Variants in ICA1L observed in about 807,000 individuals in gnomAD.
ICA1L encodes the protein islet cell autoantigen 1 like.
ICA1L carries 50 observed loss-of-function variants against 61.3 expected under a neutral mutation model. The ratio of observed to expected loss-of-function variants is 0.82; its 90% CI spans 0.65 to 1.03. The LOEUF (loss-of-function observed/expected upper bound fraction) is 1.03, where lower values mean the gene tolerates loss of function less well. Ranked by LOEUF, ICA1L falls within the 50% of genes least tolerant of loss-of-function variation. ICA1L has a pLI of 0.00. For missense variants in ICA1L, 508 were observed against 556.7 expected (o/e 0.91, Z 0.88); for synonymous variants, 161 against 191.3 (o/e 0.84, Z 1.31).
chr2:202,814,062 A>T (rs1487719296), intron 8 of ICA1L, among the ~76,000 whole-genome samples: 1 of 152,210 alleles, frequency 6.6e-6, no homozygotes, highest in African/African-American at 2.4e-5. Context: ...TAAAAAATGG[A>T]AAAAATTCGT....
chr2:202,848,898 G>A (rs1694538035), intron 1 of ICA1L, among the ~76,000 whole-genome samples: 1 of 152,044 alleles, frequency 6.6e-6, no homozygotes, highest in Admixed American at 6.6e-5. Flanking sequence ...GGAGACAAAC[G>A]CAGAAGGCAG....
At chr2:202,867,522 T>A (rs1687550770) in intron 1 of ICA1L, among the ~76,000 whole-genome samples, 1 of 152,234 alleles carries the variant, frequency 6.6e-6, no homozygotes, top group African/African-American at 2.4e-5. Flanking sequence ...AAAAATATGC[T>A]ATTACAATCT....
chr2:202,802,486 TAAAAG>T (rs1003316538), intron 9 of ICA1L, among the ~76,000 whole-genome samples: 1 of 151,592 alleles, frequency 6.6e-6, no homozygotes, highest in African/African-American at 2.4e-5. Flanking sequence ...AAGGCACAAA[TAAAAG>T]AAATACAATT....
intron 1 of ICA1L, among the ~76,000 whole-genome samples, chr2:202,839,925 T>C (rs920795470): frequency 6.6e-6 from 1 of 152,134 alleles, no homozygotes; most frequent in Non-Finnish European, 1.5e-5. Flanking sequence ...TAACAGGCTA[T>C]GTTAAGCTGA....
rs1385168057 is a variant in ICA1L, at chr2:202,777,446, G to C, written c.*2087C>G. 1 of 152,116 alleles carries C rather than the reference G, an allele frequency of 6.6e-6. No individual in the cohort carries two copies. Among genetic ancestry groups the C allele is most frequent in the African/African-American group, 2.4e-5 (1 of 41,406 alleles). The allele number at this position is 152,116 out of a possible 1,614,324, so 9.4% of individuals were successfully genotyped here. On this transcript the variant is annotated 3_prime_UTR_variant, in exon 13 of 13. Coordinates refer to ENST00000358299, the MANE Select transcript of ICA1L (RefSeq NM_001288622.3). ...GATTGGGATTCGTAATCATGATCTT[G>C]GTGATTGGAACTTGGCAGAACAGTG...
chr2:202,803,015 G>A (rs543640347), intron 9 of ICA1L, among the ~76,000 whole-genome samples: 23 of 152,146 alleles, frequency 1.5e-4, no homozygotes, highest in African/African-American at 5.5e-4. Context: ...ATAAACAAAT[G>A]GGCTAAACTC....
At chr2:202,829,623 C>T (rs1039371231) in intron 1 of ICA1L, among the ~76,000 whole-genome samples, 4 of 152,094 alleles carry the variant, frequency 2.6e-5, no homozygotes, top group African/African-American at 9.7e-5. Context: ...TTAATGTTCT[C>T]AGTCAGACAT....
At chr2:202,857,003 C>CAAACAA (rs1694786503) in intron 1 of ICA1L, among the ~76,000 whole-genome samples, 3 of 152,218 alleles carry the variant, frequency 2.0e-5, no homozygotes, top group Admixed American at 6.5e-5. Context: ...AATGCAAAGA[C>CAAACAA]ATTCCAAGCT....
chr2:202,869,186 G>A (rs1397643959), intron 1 of ICA1L, among the ~76,000 whole-genome samples: 1 of 151,558 alleles, frequency 6.6e-6, no homozygotes, highest in Non-Finnish European at 1.5e-5. Context: ...GTGAAACCCC[G>A]ACTCTACTAA....
chr2:202,788,838 G>A lies in ICA1L; in HGVS notation c.1235C>T (p.Ala412Val), dbSNP rs772921449. The A allele has an allele frequency of 1.2e-5, 19 of 1,613,906 alleles. No homozygotes were observed. Among genetic ancestry groups the A allele is most frequent in the Admixed American group, 1.7e-5 (1 of 59,978 alleles). The change falls in exon 11 of 13, where the codon GCG (alanine) becomes GTG (valine). Residue 412 changes from alanine (A) to valine (V), a missense_variant. Ala to Val is a moderately conservative substitution (Grantham distance 64). Transcript: ENST00000358299. ...GTTTCATAGACACTTACTGTTGAAC[G>A]CTCCAGCCACATGAAAGCCAAGGTC... ...LFDLGFHVAGAFNNWVSQEES... is the reference protein window; with the variant it reads ...LFDLGFHVAGVFNNWVSQEES...
At chr2:202,863,895 G>C (rs1277153862) in intron 1 of ICA1L, among the ~76,000 whole-genome samples, 1 of 150,034 alleles carries the variant, frequency 6.7e-6, no homozygotes, top group Non-Finnish European at 1.5e-5. Context: ...GATTAAGAAA[G>C]GTATATTTTT....
Position 202,819,690 on chromosome 2 carries a change from C to T in ICA1L, c.558+11G>A, listed in dbSNP as rs781474166. 1.6e-5 allele frequency: 26 copies of T among 1,594,658 alleles called. No homozygotes were observed. Among genetic ancestry groups the T allele is most frequent in the African/African-American group, 2.7e-5 (2 of 74,508 alleles). On this transcript the variant is annotated intron_variant, in intron 5 of 12. Coordinates refer to ENST00000358299, the MANE Select transcript of ICA1L (RefSeq NM_001288622.3). ...ATACACCAAGAAAAGGAAAGGGATACGTTTTCATACTTTTCTAAACTTTTC... is the reference window on the plus strand; with the variant it reads ...ATACACCAAGAAAAGGAAAGGGATATGTTTTCATACTTTTCTAAACTTTTC...
chr2:202,871,452 C>G (rs1304840593), intron 1 of ICA1L, 167 bp downstream of exon 1: 4 of 152,062 alleles, frequency 2.6e-5, no homozygotes, highest in Admixed American at 6.5e-5. Flanking sequence ...CCCAGAGAAC[C>G]GAGGAGGCCA....
At chr2:202,868,668 C>A (rs771053183) in intron 1 of ICA1L, among the ~76,000 whole-genome samples, 1 of 152,114 alleles carries the variant, frequency 6.6e-6, no homozygotes, top group Non-Finnish European at 1.5e-5. Flanking sequence ...TGACAGAATA[C>A]TATATAAAAC....
At chr2:202,817,610 A>G in intron 5 of ICA1L, 67 bp from the exon 6 acceptor site, 1 of 829,500 alleles carries the variant, frequency 1.2e-6, no homozygotes, top group Non-Finnish European at 1.8e-6. Flanking sequence ...TTACAGACAT[A>G]AATATAGTAT....
chr2:202,816,034 T>C lies in ICA1L; in HGVS notation c.685-25A>G, dbSNP rs751581712. On this transcript the variant is annotated intron_variant, in intron 6 of 12. Transcript: ENST00000358299. Reference sequence around the variant, plus strand: ...TCTGCAAAAAAAGAAAAGGTGACACTACAGTTCTGCTTCCCCTCCATGATT... The same window carrying C: ...TCTGCAAAAAAAGAAAAGGTGACACCACAGTTCTGCTTCCCCTCCATGATT... 2.1e-6 allele frequency: 3 copies of C among 1,433,574 alleles called. No homozygotes were observed. In the East Asian group the frequency reaches 7.2e-5, roughly 34 times the overall value. 88.8% of individuals were successfully genotyped at this position (1,433,574 alleles called of 1,614,324 possible). A position where few individuals can be genotyped will look rare whatever the true frequency, so the allele number is the denominator to read the frequency against.
intron 1 of ICA1L, among the ~76,000 whole-genome samples, chr2:202,866,886 G>A (rs1461266397): frequency 6.6e-6 from 1 of 152,138 alleles, no homozygotes; most frequent in Non-Finnish European, 1.5e-5. Context: ...GGCAGAGGTT[G>A]CAGTGAGCCG....
intron 1 of ICA1L, among the ~76,000 whole-genome samples, chr2:202,864,586 AGTGT>A (rs899270404): frequency 2.4e-4 from 37 of 151,524 alleles, no homozygotes; most frequent in African/African-American, 7.0e-4. Context: ...CTAATGTAGT[AGTGT>A]GTGTGTATGT....
chr2:202,866,312 C>A (rs780811672), intron 1 of ICA1L, among the ~76,000 whole-genome samples: 1 of 152,168 alleles, frequency 6.6e-6, no homozygotes, highest in Non-Finnish European at 1.5e-5. Context: ...TCTCACCATG[C>A]GATGCCTGCT....
Sources: gnomAD v4.1 joint callset for allele counts (sites outside exome capture counted in the v4.1 genomes callset) on GRCh38, gnomAD v4.1.1 for gene constraint, MANE v1.5 for transcripts, NCBI Gene and HGNC (gene_info 2026-07-23, HGNC 2026-07-21) for gene names.